CCDC102A: variants seen among roughly 807,000 people sequenced by gnomAD.
The protein encoded by CCDC102A is coiled-coil domain-containing protein 102A.
A neutral mutation model predicts 55.5 loss-of-function variants in CCDC102A; 40 were observed. The observed-to-expected ratio is 0.72, with a 90% CI of 0.56 to 0.94. CCDC102A has a LOEUF of 0.94. Among genes scored for constraint, CCDC102A ranks in the 40% least tolerant of loss-of-function variants. The pLI is 0.00. For missense variants in CCDC102A, 779 were observed against 768.6 expected (o/e 1.01, Z -0.16); for synonymous variants, 323 against 339.0 (o/e 0.95, Z 0.52).
chr16:57,536,011 C>T (rs936533852), intron 1 of CCDC102A, among the ~76,000 whole-genome samples: 1 of 152,204 alleles, frequency 6.6e-6, no homozygotes, highest in African/African-American at 2.4e-5. Flanking sequence ...CACCTAGCGA[C>T]GGGCGGAGGG....
chr16:57,532,727 A>G (rs974051272), intron 1 of CCDC102A, among the ~76,000 whole-genome samples: 1 of 152,008 alleles, frequency 6.6e-6, no homozygotes, highest in South Asian at 2.1e-4. Flanking sequence ...ACACACACAC[A>G]CACACACAGA....
chr16:57,513,811 G>A (rs1041655493), intron 8 of CCDC102A, among the ~76,000 whole-genome samples: 12 of 152,250 alleles, frequency 7.9e-5, no homozygotes, highest in African/African-American at 2.9e-4. Context: ...GTCATCCCAG[G>A]CAGATGGGGA....
chr16:57,519,692 C>T (rs1433306664), intron 4 of CCDC102A, among the ~76,000 whole-genome samples: 4 of 152,194 alleles, frequency 2.6e-5, no homozygotes, highest in African/African-American at 7.2e-5. Flanking sequence ...CGCTTTTCTT[C>T]GAATGATTAT....
Position 57,516,230 on chromosome 16 carries a change from C to G in CCDC102A, c.1419+63G>C. ...TGAGAATGGAGAAGCCAGGATGGCC[C>G]TGCGGCCCCCACTCCTCCCTGGCCA... is the stretch of plus-strand genomic sequence containing the variant. On this transcript the variant is annotated intron_variant, in intron 7 of 8. Transcript: ENST00000258214. The surrounding 1 kb of genome is among the most constrained non-coding windows in gnomAD (Gnocchi z 4.4). 6.5e-7 allele frequency: 1 copy of G among 1,531,516 alleles called. No homozygotes were observed. Among genetic ancestry groups the G allele is most frequent in the Non-Finnish European group, 8.9e-7 (1 of 1,126,620 alleles). The allele number at this position is 1,531,516 out of a possible 1,614,324, so 94.9% of individuals were successfully genotyped here. A position where few individuals can be genotyped will look rare whatever the true frequency, so the allele number is the denominator to read the frequency against.
rs1341174156 is a variant in CCDC102A at position 57,516,275 on chromosome 16, C to G, written c.1419+18G>C. ...TGGCCAAGGTCTGTTGCTGCCCCTG[C>G]CCCTCTGTGGTCCTCACCTCGTCCT... On this transcript the variant is annotated intron_variant, in intron 7 of 8. Transcript: ENST00000258214. This position sits in a 1 kb window ranked among gnomAD's most constrained non-coding sequence, Gnocchi z 4.4. 3.8e-6 allele frequency: 6 copies of G among 1,599,370 alleles called. No individual in the cohort carries two copies. The highest frequency in any genetic ancestry group is 5.1e-6 in the Non-Finnish European group (6 of 1,177,914).
At chr16:57,533,101 C>T (rs1455327475) in intron 1 of CCDC102A, among the ~76,000 whole-genome samples, 1 of 152,206 alleles carries the variant, frequency 6.6e-6, no homozygotes, top group Non-Finnish European at 1.5e-5. Context: ...CTTCCAGGCA[C>T]CCATGCTAAA....
chr16:57,520,006 A>C (rs2032018859), intron 4 of CCDC102A, among the ~76,000 whole-genome samples: 1 of 152,190 alleles, frequency 6.6e-6, no homozygotes, highest in Admixed American at 6.5e-5. Context: ...GAGCCCCCAC[A>C]CTGCAGTGGT....
intron 1 of CCDC102A, among the ~76,000 whole-genome samples, chr16:57,534,503 C>T (rs539404315): frequency 1.3e-5 from 2 of 152,214 alleles, no homozygotes; most frequent in Non-Finnish European, 2.9e-5. Flanking sequence ...AACCCACCTC[C>T]AGTGTCCCCT....
rs578231894 is a variant in CCDC102A at position 57,535,664 on chromosome 16, G to C, written c.-148+836C>G. On this transcript the variant is annotated intron_variant, in intron 1 of 8. Transcript: ENST00000258214. Reference sequence around the variant, plus strand: ...GCCCCACCCCTCTCGGCAACACCGTGAACTCTTCACTCTTGTACAGCAGAC... The same window carrying C: ...GCCCCACCCCTCTCGGCAACACCGTCAACTCTTCACTCTTGTACAGCAGAC... 2.1e-4 allele frequency among the ~76,000 whole-genome samples: 31 copies of C among 149,072 alleles called. No homozygotes were observed. In the East Asian group the frequency reaches 6.3e-3, roughly 30 times the overall value.
At chr16:57,513,936 T>C (rs1178682815) in intron 8 of CCDC102A, among the ~76,000 whole-genome samples, 1 of 152,210 alleles carries the variant, frequency 6.6e-6, no homozygotes, top group Non-Finnish European at 1.5e-5. Flanking sequence ...AAATAAGGGC[T>C]TGGATGGCTG....
Position 57,526,060 on chromosome 16 carries a change from C to T in CCDC102A, c.653G>A (p.Arg218His), listed in dbSNP as rs1162345720. The T allele has an allele frequency of 2.5e-6, 4 of 1,590,288 alleles. No individual in the cohort carries two copies. Among genetic ancestry groups the T allele is most frequent in the South Asian group, 2.2e-5 (2 of 89,210 alleles). Residue 218 changes from arginine (R) to histidine (H), a missense_variant, in exon 3 of 9, where the codon CGC (arginine) becomes CAC (histidine). Coordinates refer to ENST00000258214, the MANE Select transcript of CCDC102A (RefSeq NM_033212.4). ...PEESEDCWEARSLGAGGPRGS... is the reference protein window; with the variant it reads ...PEESEDCWEAHSLGAGGPRGS... ...CCGCGGGCCCCCAGCCCCCAGGCTG[C>T]GCGCCTCCCAGCAGTCCTCAGACTC...
chr16:57,520,536 A>AATAACGTAACATAAC (rs2032025316), intron 4 of CCDC102A, among the ~76,000 whole-genome samples: 1 of 124,646 alleles, frequency 8.0e-6, no homozygotes, highest in African/African-American at 3.4e-5. Context: ...ACTCAGAAAA[A>AATAACGTAACATAAC]ATAACATAAC....
Position 57,525,976 on chromosome 16 carries a change from T to C in CCDC102A, c.737A>G (p.Glu246Gly), listed in dbSNP as rs1364580006. Residue 246 changes from glutamate to glycine, a missense_variant, in exon 3 of 9, where the codon GAG becomes GGG. Coordinates refer to ENST00000258214, the MANE Select transcript of CCDC102A (RefSeq NM_033212.4). Reference protein sequence around the residue: ...RLPWEDTAATEEEASKLTALR... With the variant: ...RLPWEDTAATGEEASKLTALR... Reference sequence around the variant, plus strand: ...GGCGGTCAACTTGGAGGCCTCCTCCTCCGTGGCAGCTGTGTCCTCCCAGGG... The same window carrying C: ...GGCGGTCAACTTGGAGGCCTCCTCCCCCGTGGCAGCTGTGTCCTCCCAGGG... 5.0e-6 allele frequency: 8 copies of C among 1,611,926 alleles called. No individual in the cohort carries two copies. The highest frequency in any genetic ancestry group is 1.3e-5 in the African/African-American group (1 of 74,876).
intron 3 of CCDC102A, among the ~76,000 whole-genome samples, chr16:57,524,103 C>T (rs1255316065): frequency 1.3e-5 from 2 of 152,078 alleles, no homozygotes; most frequent in Admixed American, 6.5e-5. Context: ...CTTCGGGTCA[C>T]TGGACAGTGT....
At chr16:57,520,176 C>T (rs2032020899) in intron 4 of CCDC102A, among the ~76,000 whole-genome samples, 1 of 152,178 alleles carries the variant, frequency 6.6e-6, no homozygotes, top group East Asian at 1.9e-4. Flanking sequence ...TCTACAAGGC[C>T]CCCTCCTGCG....
At chr16:57,514,334 G>C (rs1271054480) in intron 8 of CCDC102A, among the ~76,000 whole-genome samples, 1 of 152,144 alleles carries the variant, frequency 6.6e-6, no homozygotes, top group Admixed American at 6.5e-5. Flanking sequence ...CAAGTAGCTG[G>C]AACTACAGGC....
At position 57,513,051 on chromosome 16, in the gene CCDC102A, C is replaced by T. The variant is rs72791605; in HGVS notation, c.1524-181G>A. Among the ~76,000 whole-genome samples, 2,845 of 152,272 alleles carry T rather than the reference C, an allele frequency of 0.019. 43 individuals carry two copies. Among genetic ancestry groups the T allele is most frequent in the Non-Finnish European group, 0.025 (1,689 of 68,032 alleles). On this transcript the variant is annotated intron_variant, in intron 8 of 8. Coordinates refer to ENST00000258214, the MANE Select transcript of CCDC102A (RefSeq NM_033212.4). ...ACCCCCATTTTACAAGCAAGGAAAC[C>T]GAGGCACAGAAAGGTGAAGTCATTT...
chr16:57,533,642 A>C (rs2032315586), intron 1 of CCDC102A, among the ~76,000 whole-genome samples: 1 of 150,162 alleles, frequency 6.7e-6, no homozygotes, highest in Non-Finnish European at 1.5e-5. Flanking sequence ...AGTAACACTC[A>C]CACTCACACA....
Position 57,512,860 on chromosome 16 carries a change from G to A in CCDC102A, c.1534C>T (p.Gln512Ter). 6.2e-7 allele frequency: 1 copy of A among 1,613,518 alleles called. No individual in the cohort carries two copies. The highest frequency in any genetic ancestry group is 8.5e-7 in the Non-Finnish European group (1 of 1,179,850). The stretch of plus-strand genomic sequence containing the variant: ...CCGAAGAGGGGAGCGTTCTGCTGCT[G>A]CCTGCGGAGCCTGTGGGGTGGGGGT... ...LEHLQSRLRR[Q>*]QQNAPLFGKI... The change falls in exon 9 of 9, where the codon CAG (glutamine) becomes TAG (stop). Residue 512 changes from glutamine (Q) to a stop codon, truncating the protein, a stop_gained. Coordinates refer to ENST00000258214, the MANE Select transcript of CCDC102A (RefSeq NM_033212.4). LOFTEE classifies it high-confidence loss of function.
Sources: gnomAD v4.1 joint callset for allele counts (sites outside exome capture counted in the v4.1 genomes callset) on GRCh38, gnomAD v4.1.1 for gene constraint, Gnocchi (gnomAD v3.1) non-coding constraint, MANE v1.5 for transcripts, NCBI Gene and HGNC (gene_info 2026-07-23, HGNC 2026-07-21) for gene names.